Variants in CTDSPL observed in about 807,000 individuals in gnomAD.
CTDSPL encodes CTD small phosphatase-like protein.
CTDSPL carries 8 observed loss-of-function variants against 30.5 expected under a neutral mutation model. That is an observed-to-expected ratio of 0.26 (90% CI 0.15 to 0.47). The LOEUF (loss-of-function observed/expected upper bound fraction) is 0.47. CTDSPL is among the 20% of genes least tolerant of loss of function. The pLI, the probability that CTDSPL is intolerant of heterozygous loss-of-function variation, is 0.99. For missense variants in CTDSPL, 248 were observed against 366.1 expected, an observed-to-expected ratio of 0.68 and a Z score of 2.63; for synonymous variants, 110 against 137.9, an observed-to-expected ratio of 0.80 and a Z score of 1.42.
intron 1 of CTDSPL, among the ~76,000 whole-genome samples, chr3:37,897,111 C>T (rs1698398010): frequency 6.6e-6 from 1 of 152,140 alleles, no homozygotes; most frequent in African/African-American, 2.4e-5. Context: ...CTCTGTTAGC[C>T]AACTCTTCTT....
intron 1 of CTDSPL, among the ~76,000 whole-genome samples, chr3:37,869,292 ATCC>A (rs1416027417): frequency 6.6e-6 from 1 of 152,058 alleles, no homozygotes. Flanking sequence ...CGCATTTATT[ATCC>A]TCCTTTTAGT....
In CTDSPL at chr3:37,942,031, G is replaced by A. The variant is rs138708807; in HGVS notation, c.80-5026G>A. On this transcript the variant is annotated intron_variant, in intron 1 of 7. Coordinates refer to ENST00000273179, the MANE Select transcript of CTDSPL (RefSeq NM_001008392.2). ...TATGCTTCCTGACCTCCACTTGAAA[G>A]CATTGTTCTTTTCCTAAGGGAAAAC... 4.1e-3 allele frequency among the ~76,000 whole-genome samples: 618 copies of A among 150,438 alleles called. 47 individuals carry two copies. The highest frequency in any genetic ancestry group is 0.035 in the South Asian group (162 of 4,646).
intron 1 of CTDSPL, among the ~76,000 whole-genome samples, chr3:37,912,826 T>C (rs549029255): frequency 5.3e-5 from 8 of 152,354 alleles, no homozygotes; most frequent in African/African-American, 1.9e-4. Flanking sequence ...CTCATCATCA[T>C]AGCCCAACAA....
In CTDSPL at chr3:37,981,815, T is replaced by A. The variant is rs764580744; in HGVS notation, c.*948T>A. The A allele has an allele frequency of 1.2e-4, 54 of 457,106 alleles. No individual in the cohort carries two copies. The highest frequency in any genetic ancestry group is 7.0e-4 in the African/African-American group (35 of 50,228). 28.3% of individuals were successfully genotyped at this position (457,106 alleles called of 1,614,324 possible). On this transcript the variant is annotated 3_prime_UTR_variant, in exon 8 of 8. Coordinates refer to ENST00000273179, the MANE Select transcript of CTDSPL (RefSeq NM_001008392.2). ...TGTTTATTGATTTTTAAATCTTTCC[T>A]TTCCAAAAGCTGGATACACATGGAG... is the stretch of plus-strand genomic sequence containing the variant.
At chr3:37,873,377 G>A (rs776601755) in intron 1 of CTDSPL, among the ~76,000 whole-genome samples, 9 of 152,074 alleles carry the variant, frequency 5.9e-5, no homozygotes, top group African/African-American at 4.8e-5. Context: ...GGGTCTCTTC[G>A]TCTGCAACTG....
chr3:37,923,637 ATATCT>A (rs1698745682), intron 1 of CTDSPL, among the ~76,000 whole-genome samples: 1 of 152,220 alleles, frequency 6.6e-6, no homozygotes, highest in African/African-American at 2.4e-5. Context: ...TTTCTTAAAC[ATATCT>A]TATAAAGCCG....
At chr3:37,907,608 G>A (rs1176388733) in intron 1 of CTDSPL, among the ~76,000 whole-genome samples, 3 of 152,106 alleles carry the variant, frequency 2.0e-5, no homozygotes, top group South Asian at 4.1e-4. Flanking sequence ...CCTGGGTGGG[G>A]GTGTACCACA....
At chr3:37,939,584 C>T (rs1254549690) in intron 1 of CTDSPL, among the ~76,000 whole-genome samples, 1 of 150,064 alleles carries the variant, frequency 6.7e-6, no homozygotes, top group Admixed American at 6.7e-5. Flanking sequence ...AATCTGATCC[C>T]GTCACTCCCC....
intron 5 of CTDSPL, chr3:37,969,510 A>T (rs775869601): frequency 2.2e-6 from 1 of 454,942 alleles, no homozygotes; most frequent in Non-Finnish European, 4.5e-6. Flanking sequence ...CGGGCTCAGG[A>T]CCCCCCTCTC....
chr3:37,934,722 CAA>C (rs1698895345), intron 1 of CTDSPL, among the ~76,000 whole-genome samples: 2 of 152,208 alleles, frequency 1.3e-5, no homozygotes, highest in African/African-American at 2.4e-5. Context: ...TTGCAGTAGA[CAA>C]GAGGGATTCC....
At chr3:37,892,127 C>G (rs561647538) in intron 1 of CTDSPL, among the ~76,000 whole-genome samples, 2 of 152,180 alleles carry the variant, frequency 1.3e-5, no homozygotes, top group South Asian at 4.1e-4. Context: ...CTTAGGTTCC[C>G]CAGACTTTTG....
chr3:37,883,548 G>C (rs575136387), intron 1 of CTDSPL, among the ~76,000 whole-genome samples: 3 of 152,154 alleles, frequency 2.0e-5, no homozygotes, highest in Non-Finnish European at 4.4e-5. Context: ...AAAAGAGGTT[G>C]GCCTGTGATT....
intron 1 of CTDSPL, among the ~76,000 whole-genome samples, chr3:37,919,754 G>A (rs1031644299): frequency 5.9e-5 from 9 of 152,228 alleles, no homozygotes; most frequent in Non-Finnish European, 1.2e-4. Context: ...GTCTCCATCA[G>A]CATCTGTTCC....
At chr3:37,941,118 G>T (rs1455338338) in intron 1 of CTDSPL, among the ~76,000 whole-genome samples, 1 of 150,162 alleles carries the variant, frequency 6.7e-6, no homozygotes, top group Non-Finnish European at 1.5e-5. Context: ...CAGGGCCAGG[G>T]GCCTAGGCAG....
At chr3:37,946,082 G>C (rs1424224969) in intron 1 of CTDSPL, among the ~76,000 whole-genome samples, 1 of 151,872 alleles carries the variant, frequency 6.6e-6, no homozygotes, top group African/African-American at 2.4e-5. Context: ...ATGGTCCCTT[G>C]CCTGCGGCCT....
intron 1 of CTDSPL, among the ~76,000 whole-genome samples, chr3:37,924,117 A>G (rs977798584): frequency 6.6e-6 from 1 of 152,248 alleles, no homozygotes; most frequent in Non-Finnish European, 1.5e-5. Context: ...AACCCGGTCC[A>G]AGGTGAGAGT....
chr3:37,881,238 C>T (rs1393416388), intron 1 of CTDSPL, among the ~76,000 whole-genome samples: 1 of 152,018 alleles, frequency 6.6e-6, no homozygotes, highest in Non-Finnish European at 1.5e-5. Context: ...CATATAAATA[C>T]AAAATCCTGG....
intron 2 of CTDSPL, among the ~76,000 whole-genome samples, chr3:37,951,388 G>A (rs572021077): frequency 6.6e-6 from 1 of 151,298 alleles, no homozygotes; most frequent in South Asian, 2.1e-4. Flanking sequence ...AAAAATGTTA[G>A]AAATAGGCTG....
intron 1 of CTDSPL, among the ~76,000 whole-genome samples, chr3:37,891,461 A>AGGGCACCAGGCCAGCTGCAG (rs1698324695): frequency 6.6e-6 from 1 of 152,218 alleles, no homozygotes; most frequent in Non-Finnish European, 1.5e-5. Flanking sequence ...GCCAGCTGCA[A>AGGGCACCAGGCCAGCTGCAG]GCGAGGACAC....
Sources: allele counts gnomAD v4.1 joint callset (sites outside exome capture counted in the v4.1 genomes callset), GRCh38; gene constraint gnomAD v4.1.1; transcripts MANE v1.5; gene names NCBI Gene and HGNC (gene_info 2026-07-23, HGNC 2026-07-21).